HPSE2: variants seen among roughly 807,000 people sequenced by gnomAD.
HPSE2 encodes the protein inactive heparanase-2.
A neutral mutation model predicts 60.5 loss-of-function variants in HPSE2; 38 were observed. The ratio of observed to expected loss-of-function variants is 0.63; its 90% CI spans 0.48 to 0.82. The LOEUF (loss-of-function observed/expected upper bound fraction) is 0.82. Ranked by LOEUF, HPSE2 falls within the 40% of genes least tolerant of loss-of-function variation. The pLI is 0.00. For missense variants in HPSE2, 713 were observed against 740.4 expected, an observed-to-expected ratio of 0.96 and a Z score of 0.43; for synonymous variants, 295 against 293.2, an observed-to-expected ratio of 1.01 and a Z score of -0.06.
At chr10:98,745,880 G>A (rs1949616963) in intron 3 of HPSE2, among the ~76,000 whole-genome samples, 1 of 152,138 alleles carries the variant, frequency 6.6e-6, no homozygotes, top group Admixed American at 6.6e-5. Flanking sequence ...AGATGATGCA[G>A]AGTGTCCAAG....
intron 3 of HPSE2, among the ~76,000 whole-genome samples, chr10:98,967,993 G>T (rs1955856614): frequency 6.6e-6 from 1 of 152,056 alleles, no homozygotes; most frequent in Admixed American, 6.6e-5. Flanking sequence ...GAATTTTTCA[G>T]ATTAAGGTCT....
At chr10:98,960,132 C>T (rs112541200) in intron 3 of HPSE2, among the ~76,000 whole-genome samples, 2,299 of 152,146 alleles carry the variant, frequency 0.015, 57 homozygotes, top group African/African-American at 0.052. Context: ...TTAAGGGATG[C>T]CATGAAATAA....
At chr10:98,646,044 T>C (rs1946760636) in intron 6 of HPSE2, among the ~76,000 whole-genome samples, 1 of 152,188 alleles carries the variant, frequency 6.6e-6, no homozygotes, top group Non-Finnish European at 1.5e-5. Context: ...CTAAACCTTT[T>C]TCTTAGATAT....
intron 3 of HPSE2, among the ~76,000 whole-genome samples, chr10:99,049,926 G>A (rs1329507181): frequency 2.0e-5 from 3 of 152,124 alleles, no homozygotes; most frequent in Admixed American, 6.5e-5. Context: ...TTAAAAATGG[G>A]CAGAGGAACT....
At chr10:99,217,951 A>T (rs1207200309) in intron 2 of HPSE2, among the ~76,000 whole-genome samples, 3 of 152,022 alleles carry the variant, frequency 2.0e-5, no homozygotes, top group African/African-American at 7.2e-5. Context: ...CCACTGATTA[A>T]CTTCTATAAG....
chr10:99,213,116 A>G (rs1849003954), intron 2 of HPSE2, among the ~76,000 whole-genome samples: 1 of 152,170 alleles, frequency 6.6e-6, no homozygotes, highest in African/African-American at 2.4e-5. Context: ...GTATCAAAAA[A>G]GCTTCATTAT....
At position 98,702,298 on chromosome 10, in the gene HPSE2, C is replaced by A. The variant is rs141673743; in HGVS notation, c.957-8351G>T. 1.3e-3 allele frequency among the ~76,000 whole-genome samples: 202 copies of A among 152,250 alleles called. 3 individuals are homozygous for A. The East Asian group carries it at 0.03, about 23-fold the overall frequency. On this transcript the variant is annotated intron_variant, in intron 5 of 11. Transcript: ENST00000370552. Reference sequence around the variant, plus strand: ...TAAATGCACCCAATACAGAAGCACCCAGATTCATAATACAAGTTCTTAGAG... The same window carrying A: ...TAAATGCACCCAATACAGAAGCACCAAGATTCATAATACAAGTTCTTAGAG...
intron 5 of HPSE2, among the ~76,000 whole-genome samples, chr10:98,698,682 A>T (rs2134184825): frequency 6.6e-6 from 1 of 152,334 alleles, no homozygotes; most frequent in African/African-American, 2.4e-5. Context: ...AAACCCTTCA[A>T]AAAATTAATG....
At chr10:98,823,712 C>G (rs987932137) in intron 3 of HPSE2, among the ~76,000 whole-genome samples, 3 of 152,012 alleles carry the variant, frequency 2.0e-5, no homozygotes, top group African/African-American at 7.2e-5. Flanking sequence ...TTTTCATGTC[C>G]ATAAAAATAT....
At position 98,490,090 on chromosome 10, in the gene HPSE2, T is replaced by C. The variant is rs1472623819; in HGVS notation, c.1427A>G (p.Asp476Gly). Residue 476 changes from aspartate (D) to glycine (G), a missense_variant, in exon 10 of 12, where the codon GAC (aspartate) becomes GGC (glycine). Transcript: ENST00000370552. ...RKPRPGRVIR[D>G]KLRIYAHCTN... Reference sequence around the variant, plus strand: ...GCAGTGAGCATAAATCCTTAGTTTGTCCCGGATCACTCGGCCAGGCCGTGG... The same window carrying C: ...GCAGTGAGCATAAATCCTTAGTTTGCCCCGGATCACTCGGCCAGGCCGTGG... 6.2e-7 allele frequency: 1 copy of C among 1,614,110 alleles called. No homozygotes were observed. Among genetic ancestry groups the C allele is most frequent in the African/African-American group, 1.3e-5 (1 of 74,922 alleles).
chr10:98,495,128 CT>C (rs1941788033), intron 9 of HPSE2, among the ~76,000 whole-genome samples: 2 of 151,480 alleles, frequency 1.3e-5, no homozygotes, highest in African/African-American at 4.8e-5. Flanking sequence ...TTCTCCCCTA[CT>C]TTTGAAGAAA....
At chr10:98,794,218 G>T (rs937959001) in intron 3 of HPSE2, among the ~76,000 whole-genome samples, 5 of 151,694 alleles carry the variant, frequency 3.3e-5, no homozygotes, top group African/African-American at 9.7e-5. Context: ...AAGTTATTGA[G>T]AGCCCAGCAT....
chr10:98,763,972 C>G (rs902312314), intron 3 of HPSE2, among the ~76,000 whole-genome samples: 3 of 152,026 alleles, frequency 2.0e-5, no homozygotes, highest in African/African-American at 7.2e-5. Flanking sequence ...AGATGTATGG[C>G]AGTTTAAAGC....
At chr10:98,742,774 T>TACAC (rs1156282610) in intron 4 of HPSE2, among the ~76,000 whole-genome samples, 39 of 103,034 alleles carry the variant, frequency 3.8e-4, no homozygotes, top group African/African-American at 1.3e-3. Context: ...ATGTTACACA[T>TACAC]ACACACACAC....
At chr10:98,519,014 A>G (rs1343200555) in intron 9 of HPSE2, among the ~76,000 whole-genome samples, 5 of 152,186 alleles carry the variant, frequency 3.3e-5, no homozygotes, top group African/African-American at 9.6e-5. Flanking sequence ...AAAAATGCAG[A>G]AAAAATGAAG....
chr10:98,830,185 G>A lies in HPSE2; in HGVS notation c.611-86129C>T, dbSNP rs138220425. On this transcript the variant is annotated intron_variant, in intron 3 of 11. Transcript: ENST00000370552. ...TTGCCTACTATGTTCCAAGCACTACGGAAACTGCAGTGAATGAGGCATATG... is the reference window on the plus strand; with the variant it reads ...TTGCCTACTATGTTCCAAGCACTACAGAAACTGCAGTGAATGAGGCATATG... Among the ~76,000 whole-genome samples the A allele has an allele frequency of 6.6e-5, 10 of 152,190 alleles. No individual in the cohort carries two copies. The East Asian group carries it at 9.6e-4, about 15-fold the overall frequency.
At chr10:99,265,779 C>G in the HPSE2 span, among the ~76,000 whole-genome samples, 1 of 152,198 alleles carries the variant, frequency 6.6e-6, no homozygotes, top group Non-Finnish European at 1.5e-5. Flanking sequence ...ATTGCTCCTG[C>G]AGGCCCTGGG....
At chr10:99,194,730 T>C (rs546999659) in intron 2 of HPSE2, among the ~76,000 whole-genome samples, 87 of 151,664 alleles carry the variant, frequency 5.7e-4, no homozygotes, top group Non-Finnish European at 1.1e-3. Context: ...TAATAAGTAA[T>C]GAGATCAAAT....
intron 3 of HPSE2, among the ~76,000 whole-genome samples, chr10:98,765,424 G>A (rs1418461592): frequency 2.6e-5 from 4 of 152,094 alleles, no homozygotes; most frequent in Admixed American, 1.3e-4. Flanking sequence ...TAAAAGACAA[G>A]TCAGAAGGGA....
Sources: allele counts gnomAD v4.1 joint callset (sites outside exome capture counted in the v4.1 genomes callset), GRCh38; gene constraint gnomAD v4.1.1; transcripts MANE v1.5; gene names NCBI Gene and HGNC (gene_info 2026-07-23, HGNC 2026-07-21).